Variants in PPP1R12A observed in about 807,000 individuals in gnomAD.
PPP1R12A encodes the protein protein phosphatase 1 regulatory subunit 12A.
PPP1R12A carries 19 observed loss-of-function variants against 139.6 expected under a neutral mutation model. The ratio of observed to expected loss-of-function variants is 0.14; its 90% CI spans 0.09 to 0.20. PPP1R12A has a LOEUF of 0.20. Among genes scored for constraint, PPP1R12A ranks in the 10% least tolerant of loss-of-function variants. The probability of loss-of-function intolerance (pLI) is 1.00; values close to 1 mark genes in which losing one functional copy is unlikely to be tolerated. For missense variants in PPP1R12A, 925 were observed against 1,211.5 expected (o/e 0.76, Z 3.51); for synonymous variants, 427 against 420.6 (o/e 1.02, Z -0.19).
At chr12:79,828,492 T>A in intron 4 of PPP1R12A, 28 bp from the exon 5 acceptor site, 1 of 1,471,812 alleles carries the variant, frequency 6.8e-7, no homozygotes, top group Non-Finnish European at 9.2e-7. Flanking sequence ...AATTAGACAA[T>A]CATTAAAATC....
intron 1 of PPP1R12A, among the ~76,000 whole-genome samples, chr12:79,877,704 T>C (rs1189118599): frequency 2.6e-5 from 4 of 152,076 alleles, no homozygotes; most frequent in African/African-American, 7.2e-5. Flanking sequence ...TTAGTAGAAA[T>C]GGGGTTTCAA....
intron 2 of PPP1R12A, among the ~76,000 whole-genome samples, chr12:79,862,986 C>T (rs7306779): frequency 0.78 from 119,190 of 151,882 alleles, 49,316 homozygotes; most frequent in Non-Finnish European, 0.92. Flanking sequence ...AGATACTCCT[C>T]GAGAAGAGCA....
chr12:79,884,925 TGTTTATAC>T (rs1883970762), intron 1 of PPP1R12A, among the ~76,000 whole-genome samples: 2 of 152,094 alleles, frequency 1.3e-5, no homozygotes. Flanking sequence ...GTTAACAAGG[TGTTTATAC>T]AATGCTCAAA....
At chr12:79,900,104 A>G (rs755094760) in intron 1 of PPP1R12A, among the ~76,000 whole-genome samples, 25 of 152,216 alleles carry the variant, frequency 1.6e-4, no homozygotes, top group Non-Finnish European at 3.1e-4. Flanking sequence ...AGAACAATAA[A>G]TACAACTTTC....
chr12:79,930,373 C>G (rs1888158961), intron 1 of PPP1R12A, among the ~76,000 whole-genome samples: 1 of 151,998 alleles, frequency 6.6e-6, no homozygotes, highest in African/African-American at 2.4e-5. Context: ...ATAACACCAT[C>G]AAAATGATAC....
chr12:79,862,022 C>T (rs7302410), intron 2 of PPP1R12A, among the ~76,000 whole-genome samples: 132,879 of 152,104 alleles, frequency 0.87, 58,294 homozygotes, highest in African/African-American at 0.91. Context: ...ACAGGGTCCC[C>T]GACCCCTGTG....
At chr12:79,919,554 C>CAA (rs111334718) in intron 1 of PPP1R12A, among the ~76,000 whole-genome samples, 4 of 112,114 alleles carry the variant, frequency 3.6e-5, no homozygotes, top group East Asian at 2.6e-4. Context: ...GACTCCATCT[C>CAA]AAAAAAAAAA....
At chr12:79,840,878 A>C (rs1264720973) in intron 3 of PPP1R12A, among the ~76,000 whole-genome samples, 1 of 152,146 alleles carries the variant, frequency 6.6e-6, no homozygotes, top group Non-Finnish European at 1.5e-5. Context: ...TATTTGCTGC[A>C]TCTATCCAAT....
chr12:79,824,394 C>T (rs1205293687), intron 5 of PPP1R12A, among the ~76,000 whole-genome samples: 1 of 152,128 alleles, frequency 6.6e-6, no homozygotes, highest in African/African-American at 2.4e-5. Context: ...AATGTTTGAA[C>T]TGTAATTAAA....
chr12:79,777,889 C>G (rs1405321133), intron 24 of PPP1R12A, among the ~76,000 whole-genome samples: 2 of 152,092 alleles, frequency 1.3e-5, no homozygotes, highest in African/African-American at 4.8e-5. Flanking sequence ...GGTCTAATAA[C>G]AAACCAAACA....
chr12:79,925,457 A>T (rs967971812), intron 1 of PPP1R12A, among the ~76,000 whole-genome samples: 1 of 152,224 alleles, frequency 6.6e-6, no homozygotes, highest in Non-Finnish European at 1.5e-5. Flanking sequence ...GAAAATAGTA[A>T]TTTCAGCTCA....
At chr12:79,928,847 G>T (rs1323311691) in intron 1 of PPP1R12A, among the ~76,000 whole-genome samples, 2 of 152,116 alleles carry the variant, frequency 1.3e-5, no homozygotes, top group African/African-American at 2.4e-5. Flanking sequence ...GCTTAAAATG[G>T]CTCCCTTAGA....
chr12:79,792,648 C>G (rs935580130), intron 19 of PPP1R12A, among the ~76,000 whole-genome samples: 1 of 152,042 alleles, frequency 6.6e-6, no homozygotes, highest in Non-Finnish European at 1.5e-5. Flanking sequence ...ATACAGTATA[C>G]ATCAATATGC....
Position 79,809,864 on chromosome 12 carries a change from T to G in PPP1R12A, c.1386A>C (p.Lys462Asn). ...ITASKEGQKE[K>N]DTAGVTRSAS... is the part of the protein sequence containing the mutation. ...CTGAACGTGTAACACCTGCAGTATCTTTTTCTTTCTGACCCTCTTTAGATG... is the reference window on the plus strand; with the variant it reads ...CTGAACGTGTAACACCTGCAGTATCGTTTTCTTTCTGACCCTCTTTAGATG... Residue 462 changes from lysine (K) to asparagine (N), a missense_variant, in exon 10 of 25, where the codon AAA becomes AAC. Transcript: ENST00000450142. 6.2e-7 allele frequency: 1 copy of G among 1,613,536 alleles called. No individual in the cohort carries two copies. Among genetic ancestry groups the G allele is most frequent in the Non-Finnish European group, 8.5e-7 (1 of 1,179,674 alleles).
chr12:79,932,031 T>C lies in PPP1R12A; in HGVS notation c.237+2664A>G, dbSNP rs114457697. On this transcript the variant is annotated intron_variant, in intron 1 of 24. Transcript: ENST00000450142. ...TTTTCAAAAGCATATTTGTGGGTTGTGATGTTCCTAAAACTTTTCTCTTGA... is the reference window on the plus strand; with the variant it reads ...TTTTCAAAAGCATATTTGTGGGTTGCGATGTTCCTAAAACTTTTCTCTTGA... Among the ~76,000 whole-genome samples, 824 of 152,336 alleles carry C rather than the reference T, an allele frequency of 5.4e-3. 5 individuals carry two copies. The highest frequency in any genetic ancestry group is 0.019 in the African/African-American group (782 of 41,576).
At chr12:79,800,723 T>C (rs1434412340) in intron 14 of PPP1R12A, among the ~76,000 whole-genome samples, 1 of 151,424 alleles carries the variant, frequency 6.6e-6, no homozygotes, top group Non-Finnish European at 1.5e-5. Flanking sequence ...TTTTCTTTAT[T>C]CAAATGCTAC....
chr12:79,823,304 CA>C (rs1876361531), intron 5 of PPP1R12A, among the ~76,000 whole-genome samples: 1 of 151,782 alleles, frequency 6.6e-6, no homozygotes, highest in Admixed American at 6.6e-5. Flanking sequence ...AAGTTTTTAG[CA>C]ACAAAAAATA....
chr12:79,829,094 G>C (rs981094575), intron 4 of PPP1R12A, among the ~76,000 whole-genome samples: 1 of 152,120 alleles, frequency 6.6e-6, no homozygotes, highest in Admixed American at 6.6e-5. Flanking sequence ...AGCTAAAACA[G>C]AAACACATTT....
intron 20 of PPP1R12A, 75 bp downstream of exon 20, chr12:79,790,392 A>G (rs1422562746): frequency 1.9e-6 from 2 of 1,052,234 alleles, no homozygotes; most frequent in Non-Finnish European, 2.6e-6. Flanking sequence ...CAAAATCCAT[A>G]AATTCCTAGC....
Sources: allele counts gnomAD v4.1 joint callset (sites outside exome capture counted in the v4.1 genomes callset), GRCh38; gene constraint gnomAD v4.1.1; transcripts MANE v1.5; gene names NCBI Gene and HGNC (gene_info 2026-07-23, HGNC 2026-07-21).